SIL1: variants seen among roughly 807,000 people sequenced by gnomAD.
The protein encoded by SIL1 is SIL1 nucleotide exchange factor.
A neutral mutation model predicts 49.1 loss-of-function variants in SIL1; 40 were observed. The observed-to-expected ratio is 0.81, with a 90% CI of 0.63 to 1.06. SIL1 has a LOEUF of 1.06. Among genes scored for constraint, SIL1 ranks in the 50% least tolerant of loss-of-function variants. The pLI is 0.00. For synonymous variants in SIL1, 253 were observed against 250.8 expected (o/e 1.01, Z -0.08); for missense variants, 500 against 572.6 (o/e 0.87, Z 1.29).
intron 5 of SIL1, chr5:139,032,809 G>A (rs1768821206): frequency 6.6e-6 from 1 of 151,996 alleles, no homozygotes; most frequent in Admixed American, 6.6e-5. Flanking sequence ...AAAACAGCTG[G>A]ACTATTTCAT....
At chr5:139,032,609 T>C (rs1224185027) in intron 5 of SIL1, among the ~76,000 whole-genome samples, 1 of 152,218 alleles carries the variant, frequency 6.6e-6, no homozygotes, top group Non-Finnish European at 1.5e-5. Context: ...CCTCTTACAT[T>C]TTCTGGAACA....
intron 1 of SIL1, among the ~76,000 whole-genome samples, chr5:139,166,523 G>A (rs1262514172): frequency 6.6e-6 from 1 of 152,190 alleles, no homozygotes; most frequent in African/African-American, 2.4e-5. Context: ...TAGGCGTGGT[G>A]ATGAGTACCT....
At chr5:138,957,306 C>T (rs1766923177) in intron 7 of SIL1, among the ~76,000 whole-genome samples, 2 of 151,716 alleles carry the variant, frequency 1.3e-5, no homozygotes, top group Admixed American at 6.6e-5. Flanking sequence ...TGTGGTGGCT[C>T]ATGCCTGTAA....
At chr5:139,067,732 C>A (rs1443430240) in intron 3 of SIL1, among the ~76,000 whole-genome samples, 1 of 152,230 alleles carries the variant, frequency 6.6e-6, no homozygotes, top group Non-Finnish European at 1.5e-5. Context: ...CAGCAACCGG[C>A]ATCCTAATAA....
In SIL1 at chr5:138,951,041, C is replaced by A. The variant is rs1766759787; in HGVS notation, c.1029+130G>T. 8.7e-6 allele frequency: 9 copies of A among 1,035,396 alleles called. No homozygotes were observed. The South Asian group carries it at 1.2e-4, about 14-fold the overall frequency. The allele number at this position is 1,035,396 out of a possible 1,614,324, so 64.1% of individuals were successfully genotyped here. On this transcript the variant is annotated intron_variant, in intron 9 of 9. Transcript: ENST00000394817. ...TCCCCAATCTCTTCCAACTGTCTGTCTGTCCATCCATCCAGAAGCACACAC... is the reference window on the plus strand; with the variant it reads ...TCCCCAATCTCTTCCAACTGTCTGTATGTCCATCCATCCAGAAGCACACAC...
intron 3 of SIL1, among the ~76,000 whole-genome samples, chr5:139,052,200 A>G (rs192633424): frequency 2.8e-5 from 4 of 143,680 alleles, no homozygotes; most frequent in African/African-American, 1.1e-4. Flanking sequence ...TGGGAGGCCC[A>G]TAGAGAACTC....
At chr5:139,128,544 A>T (rs1281956461) in intron 1 of SIL1, among the ~76,000 whole-genome samples, 2 of 151,930 alleles carry the variant, frequency 1.3e-5, no homozygotes, top group Non-Finnish European at 2.9e-5. Flanking sequence ...AACTATGTGG[A>T]AGGCTGAGGC....
At chr5:139,138,148 C>T (rs910216306) in intron 1 of SIL1, among the ~76,000 whole-genome samples, 2 of 147,948 alleles carry the variant, frequency 1.4e-5, no homozygotes, top group African/African-American at 5.2e-5. Context: ...CACATATACA[C>T]ACACACACAC....
intron 2 of SIL1, among the ~76,000 whole-genome samples, chr5:139,121,691 A>C (rs1750644333): frequency 6.6e-6 from 1 of 152,232 alleles, no homozygotes; most frequent in African/African-American, 2.4e-5. Flanking sequence ...GCAGCCCAGC[A>C]GGGCACAATT....
At chr5:139,028,642 A>G (rs1768717345) in intron 5 of SIL1, among the ~76,000 whole-genome samples, 1 of 152,222 alleles carries the variant, frequency 6.6e-6, no homozygotes, top group African/African-American at 2.4e-5. Context: ...CAATGTTAAC[A>G]TTTTACATAA....
intron 7 of SIL1, among the ~76,000 whole-genome samples, chr5:138,995,476 G>T (rs190983302): frequency 6.6e-6 from 1 of 152,070 alleles, no homozygotes; most frequent in African/African-American, 2.4e-5. Context: ...CCCGACCTCA[G>T]GTGATCCGCC....
At chr5:139,085,686 G>C (rs920960541) in intron 3 of SIL1, among the ~76,000 whole-genome samples, 1 of 152,130 alleles carries the variant, frequency 6.6e-6, no homozygotes, top group African/African-American at 2.4e-5. Context: ...TTATCATAAG[G>C]CTGGTTTAGA....
intron 1 of SIL1, chr5:139,131,674 G>A (rs1334748513): frequency 6.6e-6 from 1 of 152,148 alleles, no homozygotes; most frequent in South Asian, 2.1e-4. Flanking sequence ...TGGCTCCCTG[G>A]GGCACCAATC....
chr5:139,171,635 T>C (rs1294106977), intron 1 of SIL1, among the ~76,000 whole-genome samples: 1 of 148,994 alleles, frequency 6.7e-6, no homozygotes, highest in Non-Finnish European at 1.5e-5. Flanking sequence ...TGACCTTCCC[T>C]CCACTATTGT....
chr5:139,187,583 C>T (rs1239366838), intron 1 of SIL1, among the ~76,000 whole-genome samples: 1 of 151,684 alleles, frequency 6.6e-6, no homozygotes, highest in African/African-American at 2.4e-5. Flanking sequence ...GGCAGAGACA[C>T]CAACATGAAG....
intron 3 of SIL1, among the ~76,000 whole-genome samples, chr5:139,095,365 A>C (rs1770435442): frequency 6.6e-6 from 1 of 151,670 alleles, no homozygotes; most frequent in South Asian, 2.1e-4. Context: ...CTGGGTTCAA[A>C]CAATTCTCGT....
intron 1 of SIL1, among the ~76,000 whole-genome samples, chr5:139,173,387 T>C (rs1751814024): frequency 1.3e-5 from 2 of 151,118 alleles, no homozygotes; most frequent in Non-Finnish European, 3.0e-5. Context: ...CCATCTCTAC[T>C]AAAAATACAA....
chr5:139,183,735 A>T (rs1188455226), intron 1 of SIL1, among the ~76,000 whole-genome samples: 4 of 152,218 alleles, frequency 2.6e-5, no homozygotes, highest in African/African-American at 7.2e-5. Flanking sequence ...CGGCAAAGGC[A>T]GGCTGTGTAT....
intron 3 of SIL1, among the ~76,000 whole-genome samples, chr5:139,104,176 A>G (rs1171286956): frequency 6.6e-6 from 1 of 152,216 alleles, no homozygotes; most frequent in African/African-American, 2.4e-5. Flanking sequence ...TGTAGCTGTG[A>G]GCCTTTAAAG....
Sources: gnomAD v4.1 joint callset for allele counts (sites outside exome capture counted in the v4.1 genomes callset) on GRCh38, gnomAD v4.1.1 for gene constraint, MANE v1.5 for transcripts, NCBI Gene and HGNC (gene_info 2026-07-23, HGNC 2026-07-21) for gene names.